Variants in PLCG2 observed in about 807,000 individuals in gnomAD.
PLCG2 encodes the protein 1-phosphatidylinositol 4,5-bisphosphate phosphodiesterase gamma-2.
PLCG2 carries 69 observed loss-of-function variants against 175.6 expected under a neutral mutation model. The ratio of observed to expected loss-of-function variants is 0.39; its 90% CI spans 0.32 to 0.48. The LOEUF is 0.48. Among genes scored for constraint, PLCG2 ranks in the 20% least tolerant of loss-of-function variants. The pLI is 0.91. For missense variants in PLCG2, 1,798 were observed against 1,650.9 expected, an observed-to-expected ratio of 1.09 and a Z score of -1.54; for synonymous variants, 827 against 624.0, an observed-to-expected ratio of 1.33 and a Z score of -4.85.
At chr16:81,783,648 A>T (rs1332483650) in intron 1 of PLCG2, among the ~76,000 whole-genome samples, 2 of 152,162 alleles carry the variant, frequency 1.3e-5, no homozygotes, top group African/African-American at 4.8e-5. Flanking sequence ...TCCCATTGAG[A>T]TAAATGAGAC....
chr16:81,900,523 G>T, intron 13 of PLCG2, 89 bp from the exon 14 acceptor site: 4 of 1,239,256 alleles, frequency 3.2e-6, no homozygotes, highest in Non-Finnish European at 2.2e-6. Flanking sequence ...GGTTTCTGTC[G>T]TCCCAGGGAG....
intron 3 of PLCG2, chr16:81,858,041 C>G (rs1906771534): frequency 2.0e-6 from 1 of 510,624 alleles, no homozygotes; most frequent in East Asian, 2.9e-5. Flanking sequence ...CACTTGTCAT[C>G]CCTGTGGTAC....
rs114688616 is a variant in PLCG2 at position 81,839,868 on chromosome 16, T to C, written c.194-14576T>C. Among the ~76,000 whole-genome samples the C allele has an allele frequency of 7.7e-3, 1,167 of 152,258 alleles. 13 individuals are homozygous for C. Among genetic ancestry groups the C allele is most frequent in the African/African-American group, 0.027 (1,108 of 41,558 alleles). On this transcript the variant is annotated intron_variant, in intron 2 of 32. Transcript: ENST00000564138. ...GGATTTGAGACCAGCCTAGGCAACA[T>C]AGTGAGACCTTGTCTCTACTAAAAA...
chr16:81,791,083 C>T (rs1911210660), intron 2 of PLCG2, among the ~76,000 whole-genome samples: 1 of 152,136 alleles, frequency 6.6e-6, no homozygotes, highest in African/African-American at 2.4e-5. Context: ...CACATGTTTG[C>T]CATCATATTG....
Position 81,889,155 on chromosome 16 carries a change from C to G in PLCG2, c.766-17C>G, listed in dbSNP as rs764143816. 5 of 1,497,646 alleles carry G rather than the reference C, an allele frequency of 3.3e-6. No homozygotes were observed. The highest frequency in any genetic ancestry group is 3.4e-4 in the Middle Eastern group (2 of 5,856). The allele number at this position is 1,497,646 out of a possible 1,614,324, so 92.8% of individuals were successfully genotyped here. A position where few individuals can be genotyped will look rare whatever the true frequency, so the allele number is the denominator to read the frequency against. Reference sequence around the variant, plus strand: ...GTTCTCACTTTGCTGATCTCTCGTTCTCTTTGTCATTTTAAGGAGCATTGG... The same window carrying G: ...GTTCTCACTTTGCTGATCTCTCGTTGTCTTTGTCATTTTAAGGAGCATTGG... On this transcript the variant is annotated splice_polypyrimidine_tract_variant and intron_variant, in intron 9 of 32. Transcript: ENST00000564138.
intron 26 of PLCG2, chr16:81,935,907 G>GT (rs1567540314): frequency 6.1e-6 from 6 of 984,652 alleles, no homozygotes; most frequent in Non-Finnish European, 7.2e-6. Flanking sequence ...GATGGTGATA[G>GT]TTTAAAAAAA....
At chr16:81,845,893 A>G (rs190343102) in intron 2 of PLCG2, among the ~76,000 whole-genome samples, 28 of 152,326 alleles carry the variant, frequency 1.8e-4, no homozygotes, top group African/African-American at 6.5e-4. Flanking sequence ...CTATGAGTCA[A>G]AGTTCAAATG....
intron 15 of PLCG2, 50 bp downstream of exon 15, chr16:81,905,557 T>TCCAAGAAGCA: frequency 8.2e-7 from 1 of 1,213,250 alleles, no homozygotes; most frequent in Non-Finnish European, 1.2e-6. Flanking sequence ...CCCTTGCAGC[T>TCCAAGAAGCA]GCTTCTTGGA....
At chr16:81,894,019 C>G (rs1908765620) in intron 12 of PLCG2, among the ~76,000 whole-genome samples, 1 of 148,314 alleles carries the variant, frequency 6.7e-6, no homozygotes, top group African/African-American at 2.5e-5. Context: ...CAGCTTCCTC[C>G]TGGGCTGGTA....
chr16:81,871,380 C>T (rs934766580), intron 7 of PLCG2, among the ~76,000 whole-genome samples: 9 of 152,120 alleles, frequency 5.9e-5, no homozygotes, highest in African/African-American at 2.2e-4. Flanking sequence ...ACTCTGTTGC[C>T]CAGGCTGGAG....
chr16:81,802,903 T>C (rs1426575685), intron 2 of PLCG2, among the ~76,000 whole-genome samples: 1 of 152,208 alleles, frequency 6.6e-6, no homozygotes, highest in African/African-American at 2.4e-5. Flanking sequence ...CCTTAATGTA[T>C]ACTGTTAAGT....
At chr16:81,769,540 C>T (rs964889957) in intron 2 of PLCG2, among the ~76,000 whole-genome samples, 2 of 152,064 alleles carry the variant, frequency 1.3e-5, no homozygotes, top group Non-Finnish European at 2.9e-5. Context: ...TGGGGCCGGG[C>T]GCGGTGGCTC....
intron 5 of PLCG2, among the ~76,000 whole-genome samples, chr16:81,864,800 G>T (rs1412241065): frequency 6.6e-6 from 1 of 152,174 alleles, no homozygotes; most frequent in Non-Finnish European, 1.5e-5. Flanking sequence ...CTGCCTGGGT[G>T]CGGGAGTTGA....
intron 1 of PLCG2, among the ~76,000 whole-genome samples, chr16:81,784,398 C>T (rs1342137588): frequency 6.6e-6 from 1 of 152,202 alleles, no homozygotes; most frequent in Non-Finnish European, 1.5e-5. Flanking sequence ...ATTTAACCTC[C>T]ATTTTACAGA....
At chr16:81,902,871 A>T (rs912606129) in intron 14 of PLCG2, among the ~76,000 whole-genome samples, 2 of 152,212 alleles carry the variant, frequency 1.3e-5, no homozygotes, top group Admixed American at 1.3e-4. Context: ...GGTGGCAGGC[A>T]AGAGAGCTTG....
chr16:81,792,731 C>T (rs1911295533), intron 2 of PLCG2, among the ~76,000 whole-genome samples: 1 of 152,018 alleles, frequency 6.6e-6, no homozygotes, highest in Non-Finnish European at 1.5e-5. Context: ...TGAGAATTTA[C>T]TCACTATCAC....
At chr16:81,855,681 C>T (rs1402396609) in intron 3 of PLCG2, among the ~76,000 whole-genome samples, 3 of 152,112 alleles carry the variant, frequency 2.0e-5, no homozygotes, top group Admixed American at 2.0e-4. Context: ...AAGCATGATA[C>T]AGTGTGCTGT....
At chr16:81,768,623 T>A in intron 2 of PLCG2, among the ~76,000 whole-genome samples, 1 of 136,514 alleles carries the variant, frequency 7.3e-6, no homozygotes, top group Non-Finnish European at 1.5e-5. Context: ...TGGAGTGCAA[T>A]GGTGCGATCT....
chr16:81,845,328 C>A (rs1338043101), intron 2 of PLCG2, among the ~76,000 whole-genome samples: 1 of 151,956 alleles, frequency 6.6e-6, no homozygotes, highest in Non-Finnish European at 1.5e-5. Context: ...GTTTTTTTTC[C>A]CCTACATTTT....
Sources: allele counts gnomAD v4.1 joint callset (sites outside exome capture counted in the v4.1 genomes callset), GRCh38; gene constraint gnomAD v4.1.1; transcripts MANE v1.5; gene names NCBI Gene and HGNC (gene_info 2026-07-23, HGNC 2026-07-21).